The following RTF2 variants were observed in gnomAD, a reference collection of about 807,000 sequenced individuals.
RTF2 encodes replication termination factor 2, also known as UPF0549 protein C20orf43.
Under a neutral mutation model 38.0 loss-of-function variants are expected in RTF2, and 18 were observed. The ratio of observed to expected loss-of-function variants is 0.47; its 90% CI spans 0.33 to 0.70. The LOEUF (loss-of-function observed/expected upper bound fraction) is 0.70, where lower values mean the gene tolerates loss of function less well. Among genes scored for constraint, RTF2 ranks in the 30% least tolerant of loss-of-function variants. The probability of loss-of-function intolerance (pLI) is 0.02; values close to 1 mark genes in which losing one functional copy is unlikely to be tolerated. For missense variants in RTF2, 311 were observed against 379.6 expected, an observed-to-expected ratio of 0.82 and a Z score of 1.50; for synonymous variants, 126 against 137.1, an observed-to-expected ratio of 0.92 and a Z score of 0.57.
At chr20:56,485,578 GGT>G (rs1982751112) in intron 5 of RTF2, among the ~76,000 whole-genome samples, 1 of 152,202 alleles carries the variant, frequency 6.6e-6, no homozygotes, top group South Asian at 2.1e-4. Context: ...GGCAGGCAGA[GGT>G]GAGTGGGGAA....
intron 5 of RTF2, among the ~76,000 whole-genome samples, chr20:56,488,873 A>G (rs946140287): frequency 2.6e-5 from 4 of 151,948 alleles, no homozygotes; most frequent in Non-Finnish European, 5.9e-5. Flanking sequence ...TGCCTGTCTC[A>G]GCCTCCCTGC....
chr20:56,514,590 A>G (rs1025223243), intron 6 of RTF2, among the ~76,000 whole-genome samples: 1 of 152,108 alleles, frequency 6.6e-6, no homozygotes, highest in African/African-American at 2.4e-5. Context: ...AATCATAACA[A>G]GACAGGACCG....
intron 5 of RTF2, chr20:56,497,112 A>G: frequency 6.4e-7 from 1 of 1,551,724 alleles, no homozygotes; most frequent in South Asian, 1.2e-5. Flanking sequence ...CTTGGAGGAA[A>G]TAAAAACGTT....
chr20:56,510,665 C>T (rs1213260263), intron 5 of RTF2, among the ~76,000 whole-genome samples: 1 of 152,208 alleles, frequency 6.6e-6, no homozygotes, highest in South Asian at 2.1e-4. Flanking sequence ...TGAGGCTAGG[C>T]ATGGTGGCTC....
intron 4 of RTF2, among the ~76,000 whole-genome samples, chr20:56,482,164 G>A (rs1485150382): frequency 6.6e-6 from 1 of 152,178 alleles, no homozygotes; most frequent in East Asian, 1.9e-4. Context: ...GATTGGATTA[G>A]TTTGTGTATG....
At chr20:56,489,754 G>A in intron 5 of RTF2, among the ~76,000 whole-genome samples, 1 of 152,226 alleles carries the variant, frequency 6.6e-6, no homozygotes, top group East Asian at 1.9e-4. Flanking sequence ...GCAGGCTTAT[G>A]TTTTAAGTAA....
chr20:56,502,347 A>T (rs2146355846), intron 5 of RTF2, among the ~76,000 whole-genome samples: 1 of 152,360 alleles, frequency 6.6e-6, no homozygotes, highest in Middle Eastern at 3.4e-3. Context: ...AATTAGAGCC[A>T]GTGCCTGTGT....
intron 4 of RTF2, 113 bp downstream of exon 4, chr20:56,477,237 G>A: frequency 7.9e-7 from 1 of 1,258,034 alleles, no homozygotes; most frequent in Non-Finnish European, 1.1e-6. Context: ...GGTGTCCTTG[G>A]GTTTGGTGGC....
chr20:56,516,653 T>C (rs921111543), intron 6 of RTF2: 1 of 498,322 alleles, frequency 2.0e-6, no homozygotes, highest in Non-Finnish European at 3.5e-6. Context: ...TCAGCCTCAT[T>C]TAAATTTTTG....
chr20:56,480,656 G>A (rs1056371135), intron 4 of RTF2, among the ~76,000 whole-genome samples: 2 of 152,172 alleles, frequency 1.3e-5, no homozygotes, highest in Non-Finnish European at 2.9e-5. Context: ...TAAAGTGAGA[G>A]ACATGCAATT....
intron 5 of RTF2, chr20:56,496,491 T>A: frequency 1.2e-5 from 10 of 812,500 alleles, no homozygotes; most frequent in Non-Finnish European, 1.4e-5. Flanking sequence ...GAGCTTGCAG[T>A]GAGCCGAGAT....
chr20:56,490,447 G>A (rs1983048428), intron 5 of RTF2, among the ~76,000 whole-genome samples: 1 of 152,228 alleles, frequency 6.6e-6, no homozygotes, highest in Non-Finnish European at 1.5e-5. Context: ...TCTGTGAATA[G>A]AGATAATCAT....
At chr20:56,511,638 G>C (rs1984676835) in intron 5 of RTF2, among the ~76,000 whole-genome samples, 1 of 152,032 alleles carries the variant, frequency 6.6e-6, no homozygotes, top group South Asian at 2.1e-4. Context: ...ACTCTCTGTG[G>C]GGGGGCCATC....
rs1985247768 is a variant in RTF2 at position 56,519,227 on chromosome 20, G to T, written c.*962G>T. The T allele has an allele frequency of 6.6e-6, 1 of 152,264 alleles. No individual in the cohort carries two copies. Among genetic ancestry groups the T allele is most frequent in the Non-Finnish European group, 1.5e-5 (1 of 68,138 alleles). The allele number at this position is 152,264 out of a possible 1,614,324, so 9.4% of individuals were successfully genotyped here. A position where few individuals can be genotyped will look rare whatever the true frequency, so the allele number is the denominator to read the frequency against. Reference sequence around the variant, plus strand: ...CCTGGGTTTCCTTCAGAAGCAGAAGGAGCTGTGGGAGGTGAATGGTGGGAG... The same window carrying T: ...CCTGGGTTTCCTTCAGAAGCAGAAGTAGCTGTGGGAGGTGAATGGTGGGAG... On this transcript the variant is annotated 3_prime_UTR_variant, in exon 9 of 9. Coordinates refer to ENST00000357348, the MANE Select transcript of RTF2 (RefSeq NM_016407.5).
intron 5 of RTF2, among the ~76,000 whole-genome samples, chr20:56,485,462 A>G (rs548089591): frequency 2.6e-5 from 4 of 152,320 alleles, no homozygotes; most frequent in African/African-American, 9.6e-5. Context: ...GAAGAGCAGC[A>G]GGAAGCCAGA....
At chr20:56,479,716 G>T (rs928638258) in intron 4 of RTF2, among the ~76,000 whole-genome samples, 4 of 152,110 alleles carry the variant, frequency 2.6e-5, no homozygotes, top group Non-Finnish European at 5.9e-5. Flanking sequence ...AATGGTTGTT[G>T]TGTTAGCAGC....
At chr20:56,502,856 G>A (rs1052289532) in intron 5 of RTF2, among the ~76,000 whole-genome samples, 1 of 152,110 alleles carries the variant, frequency 6.6e-6, no homozygotes, top group African/African-American at 2.4e-5. Context: ...TTTGAATCAG[G>A]GCCCCAGTGT....
Position 56,502,543 on chromosome 20 carries a change from G to A in RTF2, c.478-10772G>A, listed in dbSNP as rs573445017. Among the ~76,000 whole-genome samples, 58 of 152,306 alleles carry A rather than the reference G, an allele frequency of 3.8e-4. No individual in the cohort carries two copies. In the South Asian group the frequency reaches 0.012, roughly 30 times the overall value. ...ATTTGTGGTAAAGACTTTTTAGGGT[G>A]AGTTGGCAGCATCCCATATATACTC... On this transcript the variant is annotated intron_variant, in intron 5 of 8. Coordinates refer to ENST00000357348, the MANE Select transcript of RTF2 (RefSeq NM_016407.5).
chr20:56,474,348 G>T (rs568100435), intron 2 of RTF2, among the ~76,000 whole-genome samples: 2 of 152,290 alleles, frequency 1.3e-5, no homozygotes, highest in South Asian at 2.1e-4. Flanking sequence ...AGGCATGGTG[G>T]CAGGCGCCTG....
Sources: gnomAD v4.1 joint callset for allele counts (sites outside exome capture counted in the v4.1 genomes callset) on GRCh38, gnomAD v4.1.1 for gene constraint, MANE v1.5 for transcripts, NCBI Gene and HGNC (gene_info 2026-07-23, HGNC 2026-07-21) for gene names.